CUX1: variants seen among roughly 807,000 people sequenced by gnomAD.
CUX1 encodes cut like homeobox 1, also known as protein CASP.
A neutral mutation model predicts 158.8 loss-of-function variants in CUX1; 31 were observed. The ratio of observed to expected loss-of-function variants is 0.20; its 90% CI spans 0.15 to 0.26. The LOEUF (loss-of-function observed/expected upper bound fraction) is 0.26, where lower values mean the gene tolerates loss of function less well. Among genes scored for constraint, CUX1 ranks in the 10% least tolerant of loss-of-function variants. The pLI is 1.00. For missense variants in CUX1, 1,589 were observed against 2,014.6 expected (o/e 0.79, Z 4.04); for synonymous variants, 879 against 862.1 (o/e 1.02, Z -0.34).
At chr7:102,208,004 A>G (rs528542772) in intron 20 of CUX1, among the ~76,000 whole-genome samples, 20 of 152,230 alleles carry the variant, frequency 1.3e-4, no homozygotes, top group Middle Eastern at 6.8e-3. Flanking sequence ...CCTGGGCAAC[A>G]TGGTGAAACC....
At chr7:102,055,459 T>C (rs1198601785) in intron 3 of CUX1, among the ~76,000 whole-genome samples, 2 of 152,222 alleles carry the variant, frequency 1.3e-5, no homozygotes, top group Admixed American at 1.3e-4. Context: ...TATTTCCAAT[T>C]ATTCACTATT....
At chr7:102,135,637 A>T (rs1367042192) in intron 8 of CUX1, among the ~76,000 whole-genome samples, 1 of 152,098 alleles carries the variant, frequency 6.6e-6, no homozygotes, top group African/African-American at 2.4e-5. Flanking sequence ...GAGTCCCAGC[A>T]ATCTTATCCT....
At chr7:102,262,306 G>A (rs1007046063), downstream of CUX1, among the ~76,000 whole-genome samples, 5 of 152,038 alleles carry the variant, frequency 3.3e-5, no homozygotes, top group Non-Finnish European at 5.9e-5. Flanking sequence ...GCTGAGGCAG[G>A]AGAATCGCTT....
intron 8 of CUX1, 45 bp from the exon 9 acceptor site, chr7:102,158,515 C>A (rs368607183): frequency 6.2e-7 from 1 of 1,602,130 alleles, no homozygotes; most frequent in South Asian, 1.1e-5. Context: ...CCCCCTGAGC[C>A]GGTCTCCTTG....
chr7:102,274,292 G>A, exon 16 of CUX1: 1 of 1,613,626 alleles, frequency 6.2e-7, no homozygotes, highest in Non-Finnish European at 8.5e-7. Flanking sequence ...CATCAAAGAG[G>A]CCACTGCCCT....
At chr7:102,137,935 C>G (rs1834070126) in intron 8 of CUX1, among the ~76,000 whole-genome samples, 1 of 152,068 alleles carries the variant, frequency 6.6e-6, no homozygotes, top group South Asian at 2.1e-4. Flanking sequence ...CCTGTAGCCT[C>G]AACACTTTGG....
At chr7:102,084,807 C>A (rs1417178679) in intron 4 of CUX1, among the ~76,000 whole-genome samples, 1 of 147,650 alleles carries the variant, frequency 6.8e-6, no homozygotes, top group African/African-American at 2.5e-5. Flanking sequence ...TTCATGTTTC[C>A]TGTATCCATC....
At chr7:101,925,095 A>G (rs1805430259) in intron 2 of CUX1, among the ~76,000 whole-genome samples, 1 of 152,162 alleles carries the variant, frequency 6.6e-6, no homozygotes. Context: ...GAAGGCCCAC[A>G]GCCCTGATGT....
intron 1 of CUX1, among the ~76,000 whole-genome samples, chr7:101,886,295 G>A (rs1800219110): frequency 6.6e-6 from 1 of 152,150 alleles, no homozygotes. Flanking sequence ...CTGGGCTCAA[G>A]TGATCTTCCT....
In CUX1 at chr7:102,250,456, A is replaced by T. The variant is rs1357867449; in HGVS notation, c.*1414A>T. 8 of 984,766 alleles carry T rather than the reference A, an allele frequency of 8.1e-6. No individual in the cohort carries two copies. Among genetic ancestry groups the T allele is most frequent in the Non-Finnish European group, 9.6e-6 (8 of 829,850 alleles). The allele number at this position is 984,766 out of a possible 1,614,324, so 61.0% of individuals were successfully genotyped here. ...AGGCCTGGGCAGGGCTTACACGCGC[A>T]CTCTCTCTCTTCTTTCCCTTTTTCT... On this transcript the variant is annotated 3_prime_UTR_variant, in exon 24 of 24. Transcript: ENST00000292535.
At chr7:102,131,829 T>C (rs1390642812) in intron 8 of CUX1, among the ~76,000 whole-genome samples, 5 of 151,770 alleles carry the variant, frequency 3.3e-5, no homozygotes, top group Admixed American at 3.3e-4. Context: ...CGCACCACCA[T>C]GCCTAGCCAA....
intron 3 of CUX1, among the ~76,000 whole-genome samples, chr7:102,055,128 T>A (rs1213613689): frequency 6.6e-6 from 1 of 152,220 alleles, no homozygotes; most frequent in Non-Finnish European, 1.5e-5. Flanking sequence ...TGTTTTGTGG[T>A]TTTTAGAGCA....
At chr7:102,218,107 G>T (rs1196599257) in intron 20 of CUX1, among the ~76,000 whole-genome samples, 1 of 152,202 alleles carries the variant, frequency 6.6e-6, no homozygotes, top group African/African-American at 2.4e-5. Context: ...TGCCTGCACT[G>T]CTGCACCTCC....
intron 18 of CUX1, 106 bp from the exon 19 acceptor site, chr7:102,204,285 C>A: frequency 1.4e-6 from 2 of 1,430,468 alleles, no homozygotes; most frequent in Non-Finnish European, 1.9e-6. Context: ...GCTCAGAAGT[C>A]AGCCCTAGAC....
At chr7:102,155,633 C>T (rs755972249) in intron 8 of CUX1, among the ~76,000 whole-genome samples, 4 of 152,174 alleles carry the variant, frequency 2.6e-5, no homozygotes, top group South Asian at 2.1e-4. Context: ...AAGGAGTTTA[C>T]GCTCTGAATT....
chr7:102,126,177 C>CTCTGTGTGTGTG (rs139199926), intron 8 of CUX1, among the ~76,000 whole-genome samples: 4 of 135,466 alleles, frequency 3.0e-5, no homozygotes, highest in Non-Finnish European at 6.2e-5. Flanking sequence ...CCATTTCCGG[C>CTCTGTGTGTGTG]TGTGTGTGTG....
intron 2 of CUX1, among the ~76,000 whole-genome samples, chr7:102,012,394 G>A (rs1391373771): frequency 6.6e-6 from 1 of 152,092 alleles, no homozygotes; most frequent in Non-Finnish European, 1.5e-5. Context: ...CACCATGTAG[G>A]CCAGGCTGGT....
chr7:101,838,155 A>C (rs1794837190), intron 1 of CUX1, among the ~76,000 whole-genome samples: 1 of 149,722 alleles, frequency 6.7e-6, no homozygotes, highest in Admixed American at 6.7e-5. Flanking sequence ...AATGACACAG[A>C]GTCTCGCTCT....
intron 8 of CUX1, chr7:102,125,719 G>A (rs979503335): frequency 3.4e-5 from 5 of 148,712 alleles, no homozygotes. Context: ...AAAAGGCACT[G>A]TACATGTGTC....
Sources: allele counts gnomAD v4.1 joint callset (sites outside exome capture counted in the v4.1 genomes callset), GRCh38; gene constraint gnomAD v4.1.1; transcripts MANE v1.5; gene names NCBI Gene and HGNC (gene_info 2026-07-23, HGNC 2026-07-21).